The following HIVEP1 variants were observed in gnomAD, a reference collection of about 807,000 sequenced individuals.
HIVEP1 encodes the protein HIVEP zinc finger 1.
A neutral mutation model predicts 180.0 loss-of-function variants in HIVEP1; 36 were observed. That is an observed-to-expected ratio of 0.20 (90% CI 0.15 to 0.26). The LOEUF is 0.26. Among genes scored for constraint, HIVEP1 ranks in the 10% least tolerant of loss-of-function variants. The pLI is 1.00. For synonymous variants in HIVEP1, 1,239 were observed against 1,239.0 expected (o/e 1.00, Z 0.00); for missense variants, 3,143 against 3,268.7 (o/e 0.96, Z 0.94).
At chr6:12,160,023 T>C (rs941058776) in intron 7 of HIVEP1, among the ~76,000 whole-genome samples, 4 of 152,242 alleles carry the variant, frequency 2.6e-5, no homozygotes, top group African/African-American at 9.6e-5. Flanking sequence ...TGCTTGTTGC[T>C]CTGTTTACAT....
rs2113529237 is a variant in HIVEP1, at chr6:12,123,873, C to T, written c.4078C>T (p.His1360Tyr). 6.2e-7 allele frequency: 1 copy of T among 1,613,946 alleles called. No homozygotes were observed. Among genetic ancestry groups the T allele is most frequent in the African/African-American group, 1.3e-5 (1 of 75,046 alleles). ...GAATACTCTGAATGTTCCTGGATGT[C>T]ACCGGGAAATGAGGCGTACTGCATC... is the stretch of plus-strand genomic sequence containing the variant. The part of the protein sequence containing the change: ...GLNTLNVPGC[H>Y]REMRRTASEQ... The change falls in exon 4 of 9, where the codon CAC becomes TAC. Residue 1360 changes from histidine (H) to tyrosine (Y), a missense_variant. Around this residue, in one of 12 missense-constraint regions of HIVEP1, gnomAD observed 1,357 missense variants for 1,260.5 expected, o/e 1.08. Transcript: ENST00000379388.
At chr6:12,083,709 T>C (rs1266067713) in intron 2 of HIVEP1, among the ~76,000 whole-genome samples, 1 of 152,202 alleles carries the variant, frequency 6.6e-6, no homozygotes, top group Non-Finnish European at 1.5e-5. Context: ...AATATCCTTT[T>C]CTATGTAATA....
At chr6:12,091,137 G>A (rs1344201060) in intron 3 of HIVEP1, among the ~76,000 whole-genome samples, 1 of 152,090 alleles carries the variant, frequency 6.6e-6, no homozygotes, top group African/African-American at 2.4e-5. Flanking sequence ...AAAAGTCTGA[G>A]TAACAGTGGT....
At chr6:12,091,279 C>G (rs188169852) in intron 3 of HIVEP1, among the ~76,000 whole-genome samples, 7 of 152,146 alleles carry the variant, frequency 4.6e-5, no homozygotes, top group South Asian at 2.1e-4. Context: ...TACAATAGAT[C>G]TCTTTTTCAT....
chr6:12,121,341 G>C lies in HIVEP1; in HGVS notation c.1546G>C (p.Val516Leu). 1 of 1,614,136 alleles carries C rather than the reference G, an allele frequency of 6.2e-7. No individual in the cohort carries two copies. The highest frequency in any genetic ancestry group is 1.1e-5 in the South Asian group (1 of 91,086). ...CCTGGGCGCCATGGAGCTGCAGCCT[G>C]TGCACATAATAAAGAGGATGTCAAA... Reference protein sequence around the residue: ...HDLGAMELQPVHIIKRMSNAE... With the variant: ...HDLGAMELQPLHIIKRMSNAE... Residue 516 changes from valine to leucine, a missense_variant, in exon 4 of 9, where the codon GTG becomes CTG. By Grantham distance (32) the Val-to-Leu change is conservative (BLOSUM62 1). Around this residue, in one of 12 missense-constraint regions of HIVEP1, gnomAD observed 365 missense variants for 344.4 expected, o/e 1.06. Transcript: ENST00000379388. This position sits in a 1 kb window ranked among gnomAD's most constrained non-coding sequence, Gnocchi z 5.3.
chr6:12,013,412 A>G (rs540228033), intron 1 of HIVEP1, among the ~76,000 whole-genome samples: 32 of 152,312 alleles, frequency 2.1e-4, no homozygotes, highest in African/African-American at 7.7e-4. Flanking sequence ...AGTCGCTACA[A>G]TGCTGCTGTC....
chr6:12,141,691 CAAAAAAAAAAAAAAAA>C lies in HIVEP1; in HGVS notation c.6487+5813_6487+5828del, dbSNP rs60419579. 6.8e-3 allele frequency among the ~76,000 whole-genome samples: 130 copies of C among 19,242 alleles called. 2 individuals carry two copies. The highest frequency in any genetic ancestry group is 0.013 in the Admixed American group (11 of 834). The allele number at this position is 19,242 out of a possible 152,430, so 12.6% of individuals were successfully genotyped here. ...GAAGATCTACCAAGCAAATGGAAAG[CAAAAAAAAAAAAAAAA>C]AAAAAAAAAAAAAGCAGGGGTTGCA... On this transcript the variant is annotated intron_variant, in intron 7 of 8. Coordinates refer to ENST00000379388, the MANE Select transcript of HIVEP1 (RefSeq NM_002114.4).
intron 7 of HIVEP1, among the ~76,000 whole-genome samples, chr6:12,138,754 G>A (rs1026513993): frequency 1.3e-5 from 2 of 151,892 alleles, no homozygotes; most frequent in Non-Finnish European, 2.9e-5. Context: ...GTCTCTGCTG[G>A]GGTGTCTAAT....
intron 2 of HIVEP1, among the ~76,000 whole-genome samples, chr6:12,078,853 T>C (rs1218032925): frequency 1.3e-5 from 2 of 152,038 alleles, no homozygotes; most frequent in African/African-American, 4.8e-5. Flanking sequence ...TTTAAGTCTT[T>C]GAGATCCTGG....
At chr6:12,145,048 C>A (rs1299065430) in intron 7 of HIVEP1, among the ~76,000 whole-genome samples, 2 of 152,162 alleles carry the variant, frequency 1.3e-5, no homozygotes, top group Non-Finnish European at 2.9e-5. Context: ...ATAAATCATG[C>A]TACTATAAAG....
At position 12,164,294 on chromosome 6, in the gene HIVEP1, C is replaced by G. The variant is rs1760614910; in HGVS notation, c.7990C>G (p.Leu2664Val). Residue 2664 changes from leucine (L) to valine (V), a missense_variant, in exon 9 of 9, where the codon CTG (leucine) becomes GTG (valine). Leu to Val is a conservative substitution (Grantham distance 32). This residue lies in a region of HIVEP1 where 595 missense variants were observed against 602.2 expected (regional missense o/e 0.99). Transcript: ENST00000379388. ...QGQPASTSQP[L>V]LKAHSEVFTK... ...CCAACCAGCGTCCACGTCACAACCT[C>G]TGCTGAAGGCACATTCTGAAGTTTT... The G allele has an allele frequency of 6.2e-7, 1 of 1,613,980 alleles. No individual in the cohort carries two copies. Among genetic ancestry groups the G allele is most frequent in the African/African-American group, 1.3e-5 (1 of 74,926 alleles).
At chr6:12,200,579 G>T in the HIVEP1 span, among the ~76,000 whole-genome samples, 2 of 152,192 alleles carry the variant, frequency 1.3e-5, no homozygotes, top group Non-Finnish European at 2.9e-5. Flanking sequence ...AAAGCCTAGA[G>T]CCTGGAGTCT....
chr6:12,177,865 T>G, the HIVEP1 span, among the ~76,000 whole-genome samples: 14 of 152,218 alleles, frequency 9.2e-5, no homozygotes, highest in African/African-American at 3.4e-4. Flanking sequence ...ACATAAAATT[T>G]ATACTTGTAA....
At chr6:12,017,511 G>A (rs1767880435) in intron 2 of HIVEP1, among the ~76,000 whole-genome samples, 1 of 152,148 alleles carries the variant, frequency 6.6e-6, no homozygotes, top group Non-Finnish European at 1.5e-5. Flanking sequence ...AGCTTCCACA[G>A]TCTGCAAGGG....
At chr6:12,206,763 C>A in the HIVEP1 span, among the ~76,000 whole-genome samples, 1 of 152,110 alleles carries the variant, frequency 6.6e-6, no homozygotes, top group Non-Finnish European at 1.5e-5. Context: ...CTCAAAGAAG[C>A]CTTTGCCAAA....
At chr6:12,167,952 GTATA>G (rs1440696196), downstream of HIVEP1, among the ~76,000 whole-genome samples, 1 of 87,478 alleles carries the variant, frequency 1.1e-5, no homozygotes, top group South Asian at 3.2e-4. Flanking sequence ...ACATGTACAT[GTATA>G]TATGTATATA....
intron 2 of HIVEP1, among the ~76,000 whole-genome samples, chr6:12,069,094 C>T (rs913363578): frequency 2.0e-5 from 3 of 152,168 alleles, no homozygotes; most frequent in Admixed American, 2.0e-4. Flanking sequence ...AGGTGATTTC[C>T]TCATTGGTCA....
chr6:12,143,783 C>G (rs930423457), intron 7 of HIVEP1, among the ~76,000 whole-genome samples: 6 of 152,012 alleles, frequency 3.9e-5, no homozygotes, highest in Non-Finnish European at 2.9e-5. Context: ...ACTCCCATTC[C>G]CAATTGCTAA....
At chr6:12,110,441 G>A (rs1739569725) in intron 3 of HIVEP1, among the ~76,000 whole-genome samples, 1 of 152,208 alleles carries the variant, frequency 6.6e-6, no homozygotes, top group African/African-American at 2.4e-5. Context: ...AAAATCTTCT[G>A]GATAACTTGC....
Sources: allele counts gnomAD v4.1 joint callset (sites outside exome capture counted in the v4.1 genomes callset), GRCh38; gene constraint gnomAD v4.1.1; regional missense constraint gnomAD v4.1.1; non-coding constraint Gnocchi (gnomAD v3.1); transcripts MANE v1.5; gene names NCBI Gene and HGNC (gene_info 2026-07-23, HGNC 2026-07-21).